Variants in RARB observed in about 807,000 individuals in gnomAD.
RARB encodes retinoic acid receptor beta, also known as HBV-activated protein.
In RARB, 17 loss-of-function variants were observed where a neutral mutation model predicts 51.9. The ratio of observed to expected loss-of-function variants is 0.33; its 90% CI spans 0.22 to 0.49. RARB has a LOEUF of 0.49. Among genes scored for constraint, RARB ranks in the 20% least tolerant of loss-of-function variants. RARB has a pLI of 0.99. For synonymous variants in RARB, 215 were observed against 195.4 expected (o/e 1.10, Z -0.84); for missense variants, 369 against 550.8 (o/e 0.67, Z 3.30).
intron 3 of RARB, 22 bp downstream of exon 3, chr3:25,501,345 T>A (rs145237506): frequency 6.2e-7 from 1 of 1,604,266 alleles, no homozygotes; most frequent in Non-Finnish European, 8.5e-7. Flanking sequence ...CTCAAAAAAC[T>A]TTTTCCCTGT....
Position 25,076,217 on chromosome 3 carries a change from C to T in RARB, c.-328+16041C>T, listed in dbSNP as rs952722995. Among the ~76,000 whole-genome samples the T allele has an allele frequency of 4.6e-5, 7 of 151,660 alleles. No individual in the cohort carries two copies. The South Asian group carries it at 8.3e-4, about 18-fold the overall frequency. On this transcript the variant is annotated intron_variant, in intron 3 of 11. Coordinates refer to the RARB transcript ENST00000383772. ...AGTGCAGTGGTGTGATCTGGCTCACCGCAAGCTCCGCCTCCCGGGTTCACG... is the reference window on the plus strand; with the variant it reads ...AGTGCAGTGGTGTGATCTGGCTCACTGCAAGCTCCGCCTCCCGGGTTCACG...
rs565012162 is a variant in RARB, at chr3:25,565,869, C to CG, written c.449-3884dup. Among the ~76,000 whole-genome samples, 18 of 152,304 alleles carry CG rather than the reference C, an allele frequency of 1.2e-4. No individual in the cohort carries two copies. The South Asian group carries it at 2.1e-3, about 18-fold the overall frequency. On this transcript the variant is annotated intron_variant, in intron 3 of 7. Coordinates refer to ENST00000330688, the MANE Select transcript of RARB (RefSeq NM_000965.5). ...CTCCATGCAGGTGCTACTGCCATCTCGGGGGAGGCTCTGAAAGGAGCTGTC... is the reference window on the plus strand; with the variant it reads ...CTCCATGCAGGTGCTACTGCCATCTCGGGGGGAGGCTCTGAAAGGAGCTGTC...
At chr3:24,909,364 T>C (rs1323907342) in intron 2 of RARB, among the ~76,000 whole-genome samples, 1 of 152,158 alleles carries the variant, frequency 6.6e-6, no homozygotes, top group Admixed American at 6.5e-5. Flanking sequence ...TAGAGCAATA[T>C]CAATAAAATA....
intron 5 of RARB, among the ~76,000 whole-genome samples, chr3:25,581,991 G>A (rs1343228495): frequency 6.6e-6 from 1 of 152,132 alleles, no homozygotes; most frequent in Admixed American, 6.5e-5. Flanking sequence ...TGGGGGTGGT[G>A]CAAGATCGGG....
chr3:25,320,835 C>G (rs1031146620), intron 5 of RARB, among the ~76,000 whole-genome samples: 2 of 152,180 alleles, frequency 1.3e-5, no homozygotes, highest in East Asian at 3.9e-4. Context: ...TTCCTTCAGT[C>G]TTGCAGCGTA....
intron 5 of RARB, among the ~76,000 whole-genome samples, chr3:25,328,040 T>C (rs1409331282): frequency 6.6e-6 from 1 of 152,224 alleles, no homozygotes; most frequent in African/African-American, 2.4e-5. Flanking sequence ...GAATTATAAA[T>C]ATTTCTAAAG....
At chr3:24,883,905 T>C (rs767660368) in intron 2 of RARB, among the ~76,000 whole-genome samples, 1 of 152,140 alleles carries the variant, frequency 6.6e-6, no homozygotes, top group Non-Finnish European at 1.5e-5. Context: ...AATTTCTCAT[T>C]TTAGGCTCTA....
chr3:25,257,675 G>A (rs116755212), intron 5 of RARB, among the ~76,000 whole-genome samples: 147 of 152,122 alleles, frequency 9.7e-4, no homozygotes, highest in African/African-American at 3.0e-3. Context: ...TGATGCCTCC[G>A]CTCCTTCCTA....
At chr3:24,997,360 T>C (rs1023106232) in intron 2 of RARB, among the ~76,000 whole-genome samples, 2 of 152,090 alleles carry the variant, frequency 1.3e-5, no homozygotes, top group Non-Finnish European at 1.5e-5. Flanking sequence ...TTACAGGTGA[T>C]GTTGGCGGCC....
At chr3:25,517,667 C>T (rs1698228430) in intron 3 of RARB, among the ~76,000 whole-genome samples, 1 of 152,086 alleles carries the variant, frequency 6.6e-6, no homozygotes, top group South Asian at 2.1e-4. Context: ...GAAATAAAAA[C>T]ATGTATCTAC....
intron 3 of RARB, among the ~76,000 whole-genome samples, chr3:25,082,755 C>T (rs1699032108): frequency 6.6e-6 from 1 of 152,016 alleles, no homozygotes. Context: ...TTCCTTCTGA[C>T]AGTATTTTAC....
At chr3:25,470,085 G>A (rs1243930139) in intron 2 of RARB, among the ~76,000 whole-genome samples, 1 of 152,142 alleles carries the variant, frequency 6.6e-6, no homozygotes, top group African/African-American at 2.4e-5. Flanking sequence ...CCGGGTTGTA[G>A]ACTAACCCTT....
chr3:25,133,493 T>C (rs894600325), intron 4 of RARB, among the ~76,000 whole-genome samples: 1 of 151,994 alleles, frequency 6.6e-6, no homozygotes, highest in Non-Finnish European at 1.5e-5. Context: ...GAAACAAATA[T>C]GCAATTTAAG....
intron 2 of RARB, among the ~76,000 whole-genome samples, chr3:24,966,653 C>G (rs1450729369): frequency 6.9e-6 from 1 of 144,982 alleles, no homozygotes; most frequent in Non-Finnish European, 1.5e-5. Context: ...TCTGAAGTCT[C>G]TAACAAGAAG....
chr3:25,287,219 C>A (rs974071423), intron 5 of RARB, among the ~76,000 whole-genome samples: 1 of 152,042 alleles, frequency 6.6e-6, no homozygotes, highest in South Asian at 2.1e-4. Context: ...ACTCTGGTGT[C>A]GCTCCCTTTC....
intron 5 of RARB, among the ~76,000 whole-genome samples, chr3:25,327,315 A>AT (rs957416715): frequency 3.9e-5 from 6 of 152,118 alleles, no homozygotes; most frequent in Admixed American, 1.3e-4. Context: ...TTATTGAAAA[A>AT]TTTTTTAAAA....
At chr3:25,546,445 G>T (rs755809237) in intron 3 of RARB, among the ~76,000 whole-genome samples, 1 of 152,070 alleles carries the variant, frequency 6.6e-6, no homozygotes, top group African/African-American at 2.4e-5. Context: ...AGCAGGGAGC[G>T]ATGAGTGGTG....
intron 5 of RARB, among the ~76,000 whole-genome samples, chr3:25,198,138 A>C (rs1701293339): frequency 1.3e-5 from 2 of 152,114 alleles, no homozygotes; most frequent in South Asian, 4.1e-4. Flanking sequence ...CAGTGAAATC[A>C]TATTCAGCAA....
At chr3:25,576,410 C>T (rs1210091134) in intron 4 of RARB, among the ~76,000 whole-genome samples, 1 of 152,160 alleles carries the variant, frequency 6.6e-6, no homozygotes. Context: ...GGGACCACTC[C>T]AGAATTCTAG....
Sources: allele counts gnomAD v4.1 joint callset (sites outside exome capture counted in the v4.1 genomes callset), GRCh38; gene constraint gnomAD v4.1.1; transcripts MANE v1.5; gene names NCBI Gene and HGNC (gene_info 2026-07-23, HGNC 2026-07-21).